HLF: variants seen among roughly 807,000 people sequenced by gnomAD.
HLF encodes the protein HLF transcription factor, PAR bZIP family member.
In HLF, 3 loss-of-function variants were observed where a neutral mutation model predicts 22.6. That is an observed-to-expected ratio of 0.13 (90% CI 0.06 to 0.34). The LOEUF is 0.34. Among genes scored for constraint, HLF ranks in the 10% least tolerant of loss-of-function variants. The pLI, the probability that HLF is intolerant of heterozygous loss-of-function variation, is 1.00. For missense variants in HLF, 299 were observed against 389.2 expected (o/e 0.77, Z 1.95); for synonymous variants, 151 against 151.8 (o/e 0.99, Z 0.04).
At chr17:55,301,370 A>G (rs551314820) in intron 2 of HLF, among the ~76,000 whole-genome samples, 1 of 152,402 alleles carries the variant, frequency 6.6e-6, no homozygotes, top group South Asian at 2.1e-4. Flanking sequence ...CAACAAAGAC[A>G]TAGTTTATCA....
chr17:55,267,654 A>G (rs2080805945), intron 1 of HLF, 97 bp from the exon 2 acceptor site: 3 of 833,126 alleles, frequency 3.6e-6, no homozygotes, highest in Non-Finnish European at 5.5e-6. Context: ...CATTCGTGAG[A>G]AATAGTCTTA....
chr17:55,323,533 G>A lies in HLF; in HGVS notation c.*2654G>A, dbSNP rs1290549504. 1 of 218,168 alleles carries A rather than the reference G, an allele frequency of 4.6e-6. No individual in the cohort carries two copies. The highest frequency in any genetic ancestry group is 9.2e-6 in the Non-Finnish European group (1 of 109,008). 13.5% of individuals were successfully genotyped at this position (218,168 alleles called of 1,614,324 possible). ...AAAAATAAAAAGATTCTAATAAAAT[G>A]TATTCTCTTGTGTGCCAGGAGAGGT... On this transcript the variant is annotated 3_prime_UTR_variant, in exon 4 of 4. Transcript: ENST00000226067.
chr17:55,275,535 A>G (rs559752730), intron 2 of HLF, among the ~76,000 whole-genome samples: 47 of 152,382 alleles, frequency 3.1e-4, no homozygotes, highest in African/African-American at 9.4e-4. Flanking sequence ...TAAGGAAACC[A>G]TAAAGGTATG....
intron 2 of HLF, among the ~76,000 whole-genome samples, chr17:55,304,215 A>G (rs1204195342): frequency 6.6e-6 from 1 of 152,134 alleles, no homozygotes; most frequent in Non-Finnish European, 1.5e-5. Flanking sequence ...GCTATCGGGT[A>G]GGAGGAGGCC....
At chr17:55,286,900 C>T (rs2145324387) in intron 2 of HLF, among the ~76,000 whole-genome samples, 1 of 152,254 alleles carries the variant, frequency 6.6e-6, no homozygotes, top group East Asian at 1.9e-4. Flanking sequence ...TAGAGGATGC[C>T]CAAAATCTCA....
At chr17:55,308,904 G>C (rs139170775) in intron 2 of HLF, among the ~76,000 whole-genome samples, 1 of 152,348 alleles carries the variant, frequency 6.6e-6, no homozygotes, top group African/African-American at 2.4e-5. Context: ...GATTTAAGCT[G>C]ACCTAGGCTG....
chr17:55,268,096 C>T lies in HLF; in HGVS notation c.451+10C>T. 1 of 1,508,936 alleles carries T rather than the reference C, an allele frequency of 6.6e-7. No homozygotes were observed. The highest frequency in any genetic ancestry group is 1.4e-5 in the African/African-American group (1 of 71,326). 93.5% of individuals were successfully genotyped at this position (1,508,936 alleles called of 1,614,324 possible). On this transcript the variant is annotated intron_variant, in intron 2 of 3. Coordinates refer to ENST00000226067, the MANE Select transcript of HLF (RefSeq NM_002126.5). ...AGCCCCATCAGACCAGGTAAGTGCC[C>T]TGAAGATTCTCCCTTCAGAAAGGGA...
intron 1 of HLF, chr17:55,265,811 C>T (rs1483994823): frequency 1.5e-6 from 2 of 1,305,222 alleles, no homozygotes; most frequent in Non-Finnish European, 1.9e-6. Context: ...TCCTGAGCTA[C>T]ATTTAAAAGA....
intron 2 of HLF, among the ~76,000 whole-genome samples, chr17:55,298,926 A>G (rs751585158): frequency 6.6e-6 from 1 of 152,248 alleles, no homozygotes; most frequent in Non-Finnish European, 1.5e-5. Flanking sequence ...GCTATAAACT[A>G]TATAGGCTGC....
intron 2 of HLF, among the ~76,000 whole-genome samples, chr17:55,299,029 A>C (rs2081133896): frequency 6.6e-6 from 1 of 152,216 alleles, no homozygotes; most frequent in Admixed American, 6.5e-5. Context: ...CTCATCACAA[A>C]GGTATATATC....
At position 55,324,418 on chromosome 17, in the gene HLF, A is replaced by G. The variant is rs536550795; in HGVS notation, c.*3539A>G. 1 of 231,048 alleles carries G rather than the reference A, an allele frequency of 4.3e-6. No individual in the cohort carries two copies. The highest frequency in any genetic ancestry group is 2.2e-5 in the African/African-American group (1 of 45,368). 14.3% of individuals were successfully genotyped at this position (231,048 alleles called of 1,614,324 possible). On this transcript the variant is annotated 3_prime_UTR_variant, in exon 4 of 4. Coordinates refer to ENST00000226067, the MANE Select transcript of HLF (RefSeq NM_002126.5). ...AACAATAGACATTCTGTGAAATGCAAAGCTATTCTTTGGTTTTTCTAGTAG... is the reference window on the plus strand; with the variant it reads ...AACAATAGACATTCTGTGAAATGCAGAGCTATTCTTTGGTTTTTCTAGTAG...
chr17:55,269,569 T>TTAGA (rs1567810131), intron 2 of HLF, among the ~76,000 whole-genome samples: 3 of 152,206 alleles, frequency 2.0e-5, no homozygotes, highest in Admixed American at 6.5e-5. Flanking sequence ...CTGTGTGACC[T>TTAGA]TAGAAAGCAA....
chr17:55,265,957 C>A lies in HLF; in HGVS notation c.115+358C>A, dbSNP rs1269367512. On this transcript the variant is annotated intron_variant, in intron 1 of 3. Transcript: ENST00000226067. ...GCCCGCCTGCGGAGGGCAGAGCCTC[C>A]CGGGCTGGGGAGGAGAAACCCTGGG... The A allele has an allele frequency of 1.1e-5, 8 of 708,832 alleles. No homozygotes were observed. The African/African-American group carries it at 1.5e-4, about 13-fold the overall frequency. The allele number at this position is 708,832 out of a possible 1,614,324, so 43.9% of individuals were successfully genotyped here.
At chr17:55,268,831 A>G (rs1353754565) in intron 2 of HLF, among the ~76,000 whole-genome samples, 1 of 152,176 alleles carries the variant, frequency 6.6e-6, no homozygotes, top group South Asian at 2.1e-4. Flanking sequence ...TGATCTTGAA[A>G]TAGTACACAA....
Position 55,268,179 on chromosome 17 carries a change from G to A in HLF, c.451+93G>A, listed in dbSNP as rs1598385004. 5 of 927,736 alleles carry A rather than the reference G, an allele frequency of 5.4e-6. No homozygotes were observed. The East Asian group carries it at 1.3e-4, about 25-fold the overall frequency. 57.5% of individuals were successfully genotyped at this position (927,736 alleles called of 1,614,324 possible). On this transcript the variant is annotated intron_variant, in intron 2 of 3. Coordinates refer to ENST00000226067, the MANE Select transcript of HLF (RefSeq NM_002126.5). ...TTAGCATAAACATCTTAACACTCAG[G>A]TTTTAGCAAAGATCCTAAGAGAGGT...
intron 2 of HLF, chr17:55,288,835 A>G: frequency 1.6e-6 from 1 of 621,510 alleles, no homozygotes; most frequent in Non-Finnish European, 2.0e-6. Context: ...ATGCTTACAA[A>G]TAAAAGTGGA....
chr17:55,288,084 T>C (rs142301605), intron 2 of HLF, among the ~76,000 whole-genome samples: 2 of 152,292 alleles, frequency 1.3e-5, no homozygotes, highest in African/African-American at 4.8e-5. Context: ...CCCCTGCTGA[T>C]AGGCTCCTCA....
chr17:55,315,597 A>C, intron 3 of HLF, 150 bp downstream of exon 3: 1 of 641,994 alleles, frequency 1.6e-6, no homozygotes, highest in Non-Finnish European at 2.7e-6. Context: ...CTTCTAGGCC[A>C]GTTGTTTCCT....
At chr17:55,286,671 A>G (rs879657975) in intron 2 of HLF, among the ~76,000 whole-genome samples, 3 of 152,218 alleles carry the variant, frequency 2.0e-5, no homozygotes, top group African/African-American at 7.2e-5. Context: ...ACGGTTGAAA[A>G]TAAACTCTTT....
Sources: gnomAD v4.1 joint callset for allele counts (sites outside exome capture counted in the v4.1 genomes callset) on GRCh38, gnomAD v4.1.1 for gene constraint, MANE v1.5 for transcripts, NCBI Gene and HGNC (gene_info 2026-07-23, HGNC 2026-07-21) for gene names.